Variants in RSU1 observed in about 807,000 individuals in gnomAD.
RSU1 encodes rsu-1.
A neutral mutation model predicts 31.1 loss-of-function variants in RSU1; 26 were observed. The ratio of observed to expected loss-of-function variants is 0.84; its 90% CI spans 0.61 to 1.16. The LOEUF is 1.16. Among genes scored for constraint, RSU1 ranks in the 50% most tolerant of loss-of-function variants. The pLI, the probability that RSU1 is intolerant of heterozygous loss-of-function variation, is 0.00. For missense variants in RSU1, 320 were observed against 339.1 expected (o/e 0.94, Z 0.44); for synonymous variants, 164 against 136.3 (o/e 1.20, Z -1.41).
At chr10:16,738,698 TA>T (rs906751536) in intron 7 of RSU1, among the ~76,000 whole-genome samples, 16 of 151,862 alleles carry the variant, frequency 1.1e-4, no homozygotes, top group African/African-American at 3.6e-4. Context: ...ATGTACTTTT[TA>T]AAAAAAAATT....
At chr10:16,674,007 C>T (rs1338198715) in intron 8 of RSU1, among the ~76,000 whole-genome samples, 4 of 152,154 alleles carry the variant, frequency 2.6e-5, no homozygotes, top group African/African-American at 9.7e-5. Flanking sequence ...GCAACACCTG[C>T]ATCCTGAGGC....
intron 2 of RSU1, among the ~76,000 whole-genome samples, chr10:16,815,805 T>C (rs1838516118): frequency 6.6e-6 from 1 of 152,128 alleles, no homozygotes; most frequent in African/African-American, 2.4e-5. Context: ...ACACAGGTGG[T>C]GATGTCTAAG....
At chr10:16,752,126 T>C (rs1836991937) in intron 7 of RSU1, among the ~76,000 whole-genome samples, 1 of 152,290 alleles carries the variant, frequency 6.6e-6, no homozygotes, top group East Asian at 1.9e-4. Flanking sequence ...TAAAAGTTTT[T>C]CCAGGTCAAT....
chr10:16,615,749 A>T (rs531976647), intron 8 of RSU1, among the ~76,000 whole-genome samples: 118 of 152,350 alleles, frequency 7.7e-4, no homozygotes, highest in Middle Eastern at 3.4e-3. Context: ...AACTACATGG[A>T]AACTGAACCT....
rs1264592103 is a variant in RSU1, at chr10:16,739,466, C to T, written c.598+13073G>A. ...TTTGCAAGAAATGTACATTTTCTTC[C>T]TTTTTTTTTTTTTTTTTTTTTTGAG... On this transcript the variant is annotated intron_variant, in intron 7 of 8. Transcript: ENST00000345264. 1.1e-3 allele frequency among the ~76,000 whole-genome samples: 106 copies of T among 94,240 alleles called. 1 individual carries two copies. The East Asian group carries it at 0.029, about 26-fold the overall frequency. 61.8% of individuals were successfully genotyped at this position (94,240 alleles called of 152,430 possible). A position where few individuals can be genotyped will look rare whatever the true frequency, so the allele number is the denominator to read the frequency against.
chr10:16,608,041 C>T (rs1007340890), intron 8 of RSU1, among the ~76,000 whole-genome samples: 1 of 152,190 alleles, frequency 6.6e-6, no homozygotes, highest in Non-Finnish European at 1.5e-5. Context: ...TTGTTTCCCA[C>T]GCTAGTCTTG....
At chr10:16,706,771 T>C (rs1250716269) in intron 7 of RSU1, among the ~76,000 whole-genome samples, 1 of 152,178 alleles carries the variant, frequency 6.6e-6, no homozygotes, top group African/African-American at 2.4e-5. Context: ...TAATATACAA[T>C]ATTTCACTGT....
intron 7 of RSU1, among the ~76,000 whole-genome samples, chr10:16,714,370 G>A (rs1261186758): frequency 2.0e-5 from 3 of 152,178 alleles, no homozygotes; most frequent in African/African-American, 7.2e-5. Flanking sequence ...CAGTTATTTG[G>A]GAGGGAGGGC....
intron 8 of RSU1, among the ~76,000 whole-genome samples, chr10:16,601,658 G>A (rs1833716659): frequency 6.6e-6 from 1 of 152,176 alleles, no homozygotes; most frequent in South Asian, 2.1e-4. Flanking sequence ...GCAACCTCTG[G>A]CCCCTGGATG....
Position 16,752,540 on chromosome 10 carries a change from T to A in RSU1, c.597A>T (p.Leu199=), listed in dbSNP as rs566866601. ...AAGTTCATTCATCAGCAACCTTACC[T>A]AGTTCTGGGGGCAGAACGGTGAGGC... ...GNRLTVLPPE[L]GNLDLTGQKQ... is the part of the protein sequence containing the mutation. The change falls in exon 7 of 9, where the codon CTA becomes CTT. Residue 199 remains leucine, a splice_region_variant and synonymous_variant. Transcript: ENST00000345264. The A allele has an allele frequency of 3.1e-6, 5 of 1,609,934 alleles. No individual in the cohort carries two copies. In the African/African-American group the frequency reaches 5.3e-5, roughly 17 times the overall value.
chr10:16,654,901 T>G (rs937724582), intron 8 of RSU1, among the ~76,000 whole-genome samples: 2 of 150,544 alleles, frequency 1.3e-5, no homozygotes. Flanking sequence ...TCTACAAAAA[T>G]TTTTTTTTGA....
intron 8 of RSU1, among the ~76,000 whole-genome samples, chr10:16,623,169 C>G (rs1012288272): frequency 6.6e-6 from 1 of 152,156 alleles, no homozygotes; most frequent in Non-Finnish European, 1.5e-5. Context: ...AATAGTTTTT[C>G]AAACCTTGCT....
chr10:16,630,579 T>C (rs1250057344), intron 8 of RSU1, among the ~76,000 whole-genome samples: 1 of 152,212 alleles, frequency 6.6e-6, no homozygotes, highest in East Asian at 1.9e-4. Context: ...GAAATGATGC[T>C]CAAAGCTGGC....
intron 8 of RSU1, among the ~76,000 whole-genome samples, chr10:16,670,134 G>T (rs1217007100): frequency 6.6e-6 from 1 of 152,176 alleles, no homozygotes; most frequent in East Asian, 1.9e-4. Context: ...AGCTGACCAG[G>T]TGAATTGTTT....
intron 8 of RSU1, among the ~76,000 whole-genome samples, chr10:16,674,684 A>G (rs983342445): frequency 9.2e-5 from 14 of 152,130 alleles, no homozygotes; most frequent in African/African-American, 3.4e-4. Context: ...CTTTGCTGAG[A>G]TGGCATTTGA....
intron 8 of RSU1, among the ~76,000 whole-genome samples, chr10:16,598,052 A>G (rs1409345525): frequency 6.6e-6 from 1 of 152,240 alleles, no homozygotes; most frequent in African/African-American, 2.4e-5. Context: ...CGGGGCCTCA[A>G]CTGGGCAAGT....
chr10:16,661,891 T>C (rs1018949785), intron 8 of RSU1, among the ~76,000 whole-genome samples: 4 of 152,240 alleles, frequency 2.6e-5, no homozygotes, highest in African/African-American at 9.6e-5. Flanking sequence ...CCTTGAGGAT[T>C]TTCCTCTACT....
intron 8 of RSU1, among the ~76,000 whole-genome samples, chr10:16,684,918 G>A (rs1361567637): frequency 6.6e-6 from 1 of 152,156 alleles, no homozygotes; most frequent in Non-Finnish European, 1.5e-5. Flanking sequence ...TAAAGTATGT[G>A]CATTTTGACA....
intron 2 of RSU1, among the ~76,000 whole-genome samples, chr10:16,805,459 G>A (rs1441168448): frequency 2.6e-5 from 4 of 151,832 alleles, no homozygotes; most frequent in Non-Finnish European, 4.4e-5. Flanking sequence ...ATCACGACGT[G>A]AGGAGATCGA....
Sources: gnomAD v4.1 joint callset for allele counts (sites outside exome capture counted in the v4.1 genomes callset) on GRCh38, gnomAD v4.1.1 for gene constraint, MANE v1.5 for transcripts, NCBI Gene and HGNC (gene_info 2026-07-23, HGNC 2026-07-21) for gene names.